The following CDC5L variants were observed in gnomAD, a reference collection of about 807,000 sequenced individuals.
The protein encoded by CDC5L is cell division cycle 5 like.
CDC5L carries 18 observed loss-of-function variants against 104.1 expected under a neutral mutation model. That is an observed-to-expected ratio of 0.17 (90% CI 0.12 to 0.26). The LOEUF is 0.26. CDC5L is among the 10% of genes least tolerant of loss of function. The pLI is 1.00. For missense variants in CDC5L, 673 were observed against 956.9 expected (o/e 0.70, Z 3.91); for synonymous variants, 331 against 322.7 (o/e 1.03, Z -0.28).
intron 8 of CDC5L, among the ~76,000 whole-genome samples, chr6:44,414,382 CTGTGTGTGTGTGTGTGTGTG>C (rs58800666): frequency 9.8e-4 from 127 of 130,036 alleles, no homozygotes; most frequent in Middle Eastern, 3.7e-3. Flanking sequence ...CTGGCCTGGC[CTGTGTGTGTGTGTGTGTGTG>C]TGTGTGTGTG....
rs1180824688 is a variant in CDC5L, at chr6:44,387,790, TCTCGG to T, written c.-31_-27del. On this transcript the variant is annotated 5_prime_UTR_variant, in exon 1 of 16. Coordinates refer to ENST00000371477, the MANE Select transcript of CDC5L (RefSeq NM_001253.4). ...GCTGTTACTACTTCTCTGAAGCTCC[TCTCGG>T]CTGCTTGCCGAGACACCCTGCCGCC... The T allele has an allele frequency of 5.8e-6, 9 of 1,549,318 alleles. No homozygotes were observed. In the Admixed American group the frequency reaches 1.8e-4, roughly 30 times the overall value.
chr6:44,418,348 A>G (rs1791997716), intron 8 of CDC5L, among the ~76,000 whole-genome samples: 1 of 152,192 alleles, frequency 6.6e-6, no homozygotes. Context: ...ATGGCTGCAT[A>G]GTATTCCATG....
In CDC5L at chr6:44,435,939, G is replaced by A. The variant is rs141808400; in HGVS notation, c.2091+6029G>A. 1.9e-3 allele frequency among the ~76,000 whole-genome samples: 294 copies of A among 151,926 alleles called. 5 individuals carry two copies. The highest frequency in any genetic ancestry group is 6.6e-3 in the African/African-American group (272 of 41,450). ...TGAGATTACAGGTGCCTGCCACCAC[G>A]CTCGGCTAATTTTTGTATTTTAGTA... On this transcript the variant is annotated intron_variant, in intron 14 of 15. Transcript: ENST00000371477.
intron 8 of CDC5L, among the ~76,000 whole-genome samples, chr6:44,410,954 A>G (rs184105492): frequency 8.6e-4 from 129 of 150,342 alleles, no homozygotes; most frequent in Non-Finnish European, 1.0e-4. Flanking sequence ...TCAGTTTTTA[A>G]TTTACTATCA....
intron 2 of CDC5L, among the ~76,000 whole-genome samples, chr6:44,391,822 A>G (rs11571912): frequency 1.2e-3 from 186 of 151,892 alleles, no homozygotes; most frequent in African/African-American, 4.0e-3. Flanking sequence ...CCTGGCCAAC[A>G]TGGTGAAAAC....
Position 44,449,720 on chromosome 6 carries a change from A to G in CDC5L, c.*3009A>G, listed in dbSNP as rs1793577559. On this transcript the variant is annotated 3_prime_UTR_variant, in exon 16 of 16. Coordinates refer to ENST00000371477, the MANE Select transcript of CDC5L (RefSeq NM_001253.4). Reference sequence around the variant, plus strand: ...TGTCTAATAAAAAACGACATCAAAGAAAAACTACACTACAGTGACTGCAGA... The same window carrying G: ...TGTCTAATAAAAAACGACATCAAAGGAAAACTACACTACAGTGACTGCAGA... 6.6e-6 allele frequency: 1 copy of G among 152,174 alleles called. No homozygotes were observed. The highest frequency in any genetic ancestry group is 2.4e-5 in the African/African-American group (1 of 41,450). 9.4% of individuals were successfully genotyped at this position (152,174 alleles called of 1,614,324 possible).
intron 1 of CDC5L, 102 bp downstream of exon 1, chr6:44,387,970 C>T: frequency 8.9e-7 from 1 of 1,117,668 alleles, no homozygotes; most frequent in Admixed American, 2.3e-5. Flanking sequence ...CCTGTGGGGT[C>T]TGCGTGGAGG....
At chr6:44,446,579 A>G in intron 15 of CDC5L, 28 bp from the exon 16 acceptor site, 2 of 1,144,300 alleles carry the variant, frequency 1.7e-6, no homozygotes, top group Non-Finnish European at 2.5e-6. Flanking sequence ...TTACATCTAA[A>G]ATAATTACTT....
chr6:44,412,821 C>T (rs200607654), intron 8 of CDC5L, among the ~76,000 whole-genome samples: 3 of 115,484 alleles, frequency 2.6e-5, no homozygotes, highest in South Asian at 2.8e-4. Context: ...CTCGCTCTGT[C>T]GCCCAGGCTG....
At position 44,449,702 on chromosome 6, in the gene CDC5L, TAAA is replaced by T. The variant is rs991343743; in HGVS notation, c.*2995_*2997del. 1.4e-4 allele frequency: 21 copies of T among 152,182 alleles called. No homozygotes were observed. The highest frequency in any genetic ancestry group is 4.8e-4 in the African/African-American group (20 of 41,536). 9.4% of individuals were successfully genotyped at this position (152,182 alleles called of 1,614,324 possible). A position where few individuals can be genotyped will look rare whatever the true frequency, so the allele number is the denominator to read the frequency against. On this transcript the variant is annotated 3_prime_UTR_variant, in exon 16 of 16. Transcript: ENST00000371477. ...ATATTAGAGACATAATGCTGTCTAA[TAAA>T]AAACGACATCAAAGAAAAACTACAC...
chr6:44,443,776 T>G (rs1793320340), intron 14 of CDC5L, among the ~76,000 whole-genome samples: 1 of 152,076 alleles, frequency 6.6e-6, no homozygotes, highest in African/African-American at 2.4e-5. Context: ...TTGTGACCAT[T>G]ATTTGGAATT....
chr6:44,395,680 A>G (rs1790838156), intron 4 of CDC5L, among the ~76,000 whole-genome samples: 1 of 152,234 alleles, frequency 6.6e-6, no homozygotes, highest in African/African-American at 2.4e-5. Context: ...TCTCCTGTAT[A>G]TACTGAGTCA....
intron 14 of CDC5L, among the ~76,000 whole-genome samples, chr6:44,440,444 T>C (rs1793130415): frequency 6.7e-6 from 1 of 148,938 alleles, no homozygotes. Context: ...GGTTTTGTCA[T>C]GTTGGCCAGG....
At chr6:44,438,950 A>T (rs1164464452) in intron 14 of CDC5L, among the ~76,000 whole-genome samples, 4 of 152,100 alleles carry the variant, frequency 2.6e-5, no homozygotes. Flanking sequence ...TAGTTGTGCA[A>T]CCATTATTGG....
intron 4 of CDC5L, among the ~76,000 whole-genome samples, chr6:44,393,831 A>G (rs924803381): frequency 1.3e-5 from 2 of 151,840 alleles, no homozygotes; most frequent in Admixed American, 1.3e-4. Flanking sequence ...TACCTGGCTA[A>G]TTTTTAAATT....
At chr6:44,442,939 T>C (rs1411298809) in intron 14 of CDC5L, among the ~76,000 whole-genome samples, 1 of 152,188 alleles carries the variant, frequency 6.6e-6, no homozygotes, top group Non-Finnish European at 1.5e-5. Flanking sequence ...TAGCTATTGA[T>C]TGAAAAAGTC....
At chr6:44,422,494 A>G (rs905698123) in intron 9 of CDC5L, among the ~76,000 whole-genome samples, 153 bp from the exon 10 acceptor site, 2 of 152,248 alleles carry the variant, frequency 1.3e-5, no homozygotes, top group Admixed American at 1.3e-4. Context: ...ATTTTAACCT[A>G]GAGATCCTAA....
At chr6:44,424,366 CT>C in intron 10 of CDC5L, 52 bp from the exon 11 acceptor site, 1 of 1,503,652 alleles carries the variant, frequency 6.7e-7, no homozygotes, top group Non-Finnish European at 9.1e-7. Context: ...TCATAAAATA[CT>C]GGTGGAATGT....
intron 3 of CDC5L, 94 bp downstream of exon 3, chr6:44,392,922 T>C (rs1355009876): frequency 8.6e-7 from 1 of 1,157,506 alleles, no homozygotes; most frequent in Non-Finnish European, 1.2e-6. Flanking sequence ...AAACTTTTAA[T>C]TATGGATGTG....
Sources: gnomAD v4.1 joint callset for allele counts (sites outside exome capture counted in the v4.1 genomes callset) on GRCh38, gnomAD v4.1.1 for gene constraint, MANE v1.5 for transcripts, NCBI Gene and HGNC (gene_info 2026-07-23, HGNC 2026-07-21) for gene names.